The following CSMD1 variants were observed in gnomAD, a reference collection of about 807,000 sequenced individuals.
CSMD1 encodes the protein CUB and Sushi multiple domains 1, also known as CUB and sushi domain-containing protein 1.
CSMD1 carries 213 observed loss-of-function variants against 417.5 expected under a neutral mutation model. The observed-to-expected ratio is 0.51, with a 90% CI of 0.46 to 0.57. The LOEUF (loss-of-function observed/expected upper bound fraction) is 0.57. Among genes scored for constraint, CSMD1 ranks in the 20% least tolerant of loss-of-function variants. CSMD1 has a pLI of 0.00. For synonymous variants in CSMD1, 2,862 were observed against 1,736.8 expected (o/e 1.65, Z -16.11); for missense variants, 6,923 against 4,529.7 (o/e 1.53, Z -15.17).
intron 3 of CSMD1, among the ~76,000 whole-genome samples, chr8:4,131,958 C>G (rs1382758253): frequency 6.6e-6 from 1 of 151,688 alleles, no homozygotes; most frequent in Non-Finnish European, 1.5e-5. Context: ...TAGAGACCGG[C>G]TTTCACCATG....
chr8:4,422,951 GA>G lies in CSMD1; in HGVS notation c.303-2887del, dbSNP rs576327552. 5.9e-5 allele frequency among the ~76,000 whole-genome samples: 9 copies of G among 151,790 alleles called. No individual in the cohort carries two copies. In the South Asian group the frequency reaches 1.7e-3, roughly 28 times the overall value. On this transcript the variant is annotated intron_variant, in intron 2 of 69. Coordinates refer to ENST00000635120, the MANE Select transcript of CSMD1 (RefSeq NM_033225.6). ...TCACAAGATCATAGTAATCTATGTA[GA>G]AAAAAACATTTGACAATAATAATCA... is the stretch of plus-strand genomic sequence containing the variant.
intron 5 of CSMD1, among the ~76,000 whole-genome samples, chr8:3,872,773 C>G (rs1412979945): frequency 1.3e-5 from 2 of 151,098 alleles, no homozygotes; most frequent in Non-Finnish European, 2.9e-5. Flanking sequence ...GCAAACTACC[C>G]ATCCGACAAA....
chr8:4,451,791 C>T lies in CSMD1; in HGVS notation c.303-31726G>A, dbSNP rs899740833. Among the ~76,000 whole-genome samples, 8 of 152,144 alleles carry T rather than the reference C, an allele frequency of 5.3e-5. No homozygotes were observed. The South Asian group carries it at 1.5e-3, about 28-fold the overall frequency. On this transcript the variant is annotated intron_variant, in intron 2 of 69. Coordinates refer to ENST00000635120, the MANE Select transcript of CSMD1 (RefSeq NM_033225.6). ...ATCAGTAGTATTTGAGCAGGATCCACAATGCCATCTTAAAGGATGGGCTCT... is the reference window on the plus strand; with the variant it reads ...ATCAGTAGTATTTGAGCAGGATCCATAATGCCATCTTAAAGGATGGGCTCT...
chr8:2,958,367 G>A (rs191133932), intron 62 of CSMD1, among the ~76,000 whole-genome samples: 76 of 152,222 alleles, frequency 5.0e-4, no homozygotes, highest in Non-Finnish European at 8.1e-4. Context: ...CTGCACATCC[G>A]CTGCAGATTC....
At chr8:3,986,049 T>G (rs1563286509) in intron 5 of CSMD1, among the ~76,000 whole-genome samples, 1 of 152,116 alleles carries the variant, frequency 6.6e-6, no homozygotes. Context: ...TGTCTTTTCC[T>G]CTTCATTATA....
Position 3,468,831 on chromosome 8 carries a change from G to C in CSMD1, c.1449-7C>G, listed in dbSNP as rs1376596407. Reference sequence around the variant, plus strand: ...AACACTGGATCCCGTGAGCCTGCAAGAAAGAGAAATGTCAAAGCTTTTAGG... The same window carrying C: ...AACACTGGATCCCGTGAGCCTGCAACAAAGAGAAATGTCAAAGCTTTTAGG... On this transcript the variant is annotated splice_region_variant and splice_polypyrimidine_tract_variant and intron_variant, in intron 11 of 69. Transcript: ENST00000635120. 4 of 1,570,506 alleles carry C rather than the reference G, an allele frequency of 2.5e-6. No individual in the cohort carries two copies. The highest frequency in any genetic ancestry group is 1.3e-5 in the African/African-American group (1 of 74,314).
chr8:3,794,399 T>G (rs1222812745), intron 5 of CSMD1, among the ~76,000 whole-genome samples: 1 of 152,200 alleles, frequency 6.6e-6, no homozygotes, highest in Non-Finnish European at 1.5e-5. Flanking sequence ...TGTAGTTTTC[T>G]ATCACTAACA....
intron 4 of CSMD1, among the ~76,000 whole-genome samples, chr8:4,004,893 C>T (rs1272548280): frequency 2.0e-5 from 3 of 151,910 alleles, no homozygotes; most frequent in Admixed American, 6.6e-5. Flanking sequence ...TACAGGCGCC[C>T]GCCACCATGC....
chr8:4,925,624 G>A (rs1023193997), intron 1 of CSMD1, among the ~76,000 whole-genome samples: 2 of 150,682 alleles, frequency 1.3e-5, no homozygotes, highest in Admixed American at 1.3e-4. Flanking sequence ...TCGGCTCACT[G>A]CAAGCTCTGC....
At chr8:4,067,057 T>G (rs1267670267) in intron 3 of CSMD1, among the ~76,000 whole-genome samples, 10 of 152,246 alleles carry the variant, frequency 6.6e-5, no homozygotes, top group Admixed American at 3.9e-4. Flanking sequence ...TGTTGCCACA[T>G]GGCGAAGACT....
chr8:3,700,838 C>T (rs552975986), intron 7 of CSMD1, among the ~76,000 whole-genome samples: 3 of 152,020 alleles, frequency 2.0e-5, no homozygotes, highest in Non-Finnish European at 4.4e-5. Context: ...AATTTGGACT[C>T]GTTCTGCCTG....
At chr8:4,705,737 T>C (rs1807896390) in intron 1 of CSMD1, among the ~76,000 whole-genome samples, 1 of 152,208 alleles carries the variant, frequency 6.6e-6, no homozygotes, top group African/African-American at 2.4e-5. Flanking sequence ...ATTACAAATA[T>C]AATCTAACTA....
At position 3,406,034 on chromosome 8, in the gene CSMD1, G is replaced by T. The variant is rs984223304; in HGVS notation, c.2259C>A (p.Arg753=). ...GGGTGGCAGGGACTGCACCTTCACA[G>T]CGGGGCACGGTGGAGCTCCAGACCA... ...GNVVWSSTVP[R]CEAPCGGHLT... is the part of the protein sequence containing the mutation. The change falls in exon 15 of 70, where the codon CGC becomes CGA. Residue 753 remains arginine (R), a synonymous_variant. Coordinates refer to ENST00000635120, the MANE Select transcript of CSMD1 (RefSeq NM_033225.6). 6.2e-7 allele frequency: 1 copy of T among 1,613,682 alleles called. No individual in the cohort carries two copies. Among genetic ancestry groups the T allele is most frequent in the African/African-American group, 1.3e-5 (1 of 75,050 alleles).
chr8:3,569,775 T>C (rs1416613825), intron 10 of CSMD1, among the ~76,000 whole-genome samples: 2 of 152,222 alleles, frequency 1.3e-5, no homozygotes, highest in African/African-American at 4.8e-5. Flanking sequence ...TGCTGCTTAA[T>C]TTGGATGGTA....
At chr8:4,023,493 A>G (rs772441453) in intron 4 of CSMD1, among the ~76,000 whole-genome samples, 15 of 152,180 alleles carry the variant, frequency 9.9e-5, no homozygotes, top group Non-Finnish European at 2.1e-4. Flanking sequence ...GGAATCACAG[A>G]AGAGGAAGTC....
At chr8:4,394,433 C>A (rs530173564) in intron 3 of CSMD1, among the ~76,000 whole-genome samples, 6 of 152,106 alleles carry the variant, frequency 3.9e-5, no homozygotes, top group Non-Finnish European at 7.4e-5. Context: ...ATTCAATATG[C>A]GATTTTTAGT....
At chr8:4,342,684 G>A (rs572079318) in intron 3 of CSMD1, among the ~76,000 whole-genome samples, 33 of 152,142 alleles carry the variant, frequency 2.2e-4, no homozygotes, top group African/African-American at 6.3e-4. Flanking sequence ...GCTGCCCAGC[G>A]ATAGAGCCAA....
At chr8:3,775,455 A>G (rs1256150879) in intron 5 of CSMD1, among the ~76,000 whole-genome samples, 3 of 152,186 alleles carry the variant, frequency 2.0e-5, no homozygotes, top group Non-Finnish European at 4.4e-5. Context: ...AAAAACAATC[A>G]TTTATCAATG....
chr8:3,248,552 C>A (rs577459897), intron 26 of CSMD1, among the ~76,000 whole-genome samples: 3 of 35,484 alleles, frequency 8.5e-5, no homozygotes, highest in South Asian at 7.3e-4. Context: ...TTTTTTGAGA[C>A]GTAGTCTCGC....
Sources: allele counts gnomAD v4.1 joint callset (sites outside exome capture counted in the v4.1 genomes callset), GRCh38; gene constraint gnomAD v4.1.1; transcripts MANE v1.5; gene names NCBI Gene and HGNC (gene_info 2026-07-23, HGNC 2026-07-21).